The following SNX29 variants were observed in gnomAD, a reference collection of about 807,000 sequenced individuals.
SNX29 encodes the protein sorting nexin 29.
Under a neutral mutation model 102.1 loss-of-function variants are expected in SNX29, and 78 were observed. That is an observed-to-expected ratio of 0.76 (90% CI 0.64 to 0.92). The LOEUF is 0.92. Among genes scored for constraint, SNX29 ranks in the 40% least tolerant of loss-of-function variants. The pLI is 0.00. For synonymous variants in SNX29, 580 were observed against 414.5 expected (o/e 1.40, Z -4.85); for missense variants, 1,280 against 1,061.7 (o/e 1.21, Z -2.86).
Position 12,477,776 on chromosome 16 carries a change from A to G in SNX29, c.2095A>G (p.Arg699Gly), listed in dbSNP as rs762028379. Residue 699 changes from arginine (R) to glycine (G), a missense_variant, in exon 19 of 21, where the codon AGG (arginine) becomes GGG (glycine). Physicochemically the swap from Arg to Gly is moderately radical, Grantham distance 125 (BLOSUM62 -2). Coordinates refer to ENST00000566228, the MANE Select transcript of SNX29 (RefSeq NM_032167.5). ...TATTTATCGCCGGTATACAGAGTTCAGGAGTTTGCACCACAAGTTACAAAA... is the reference window on the plus strand; with the variant it reads ...TATTTATCGCCGGTATACAGAGTTCGGGAGTTTGCACCACAAGTTACAAAA... ...WNIYRRYTEFRSLHHKLQNKY... is the reference protein window; with the variant it reads ...WNIYRRYTEFGSLHHKLQNKY... 6.2e-7 allele frequency: 1 copy of G among 1,613,552 alleles called. No homozygotes were observed. Among genetic ancestry groups the G allele is most frequent in the Non-Finnish European group, 8.5e-7 (1 of 1,179,760 alleles).
At chr16:12,308,625 GAC>G (rs536882214) in intron 15 of SNX29, among the ~76,000 whole-genome samples, 81 of 152,232 alleles carry the variant, frequency 5.3e-4, no homozygotes, top group African/African-American at 1.9e-3. Context: ...CAGGAAACAA[GAC>G]AGAAAAAATC....
chr16:12,388,580 G>A lies in SNX29; in HGVS notation c.1900-9866G>A, dbSNP rs557134027. 1.4e-4 allele frequency among the ~76,000 whole-genome samples: 22 copies of A among 152,294 alleles called. No homozygotes were observed. The South Asian group carries it at 4.3e-3, about 30-fold the overall frequency. On this transcript the variant is annotated intron_variant, in intron 16 of 20. Transcript: ENST00000566228. ...ATGCCCACATAGTACATGACTGTGC[G>A]GGTCACGCTGTCTCTCTCACTGTTA...
At chr16:12,382,010 C>T (rs182797715) in intron 16 of SNX29, among the ~76,000 whole-genome samples, 8 of 151,840 alleles carry the variant, frequency 5.3e-5, no homozygotes, top group Admixed American at 6.6e-5. Context: ...CTAAAGTCAT[C>T]ACGTTCATCA....
chr16:12,561,352 C>T (rs376485373), intron 20 of SNX29, among the ~76,000 whole-genome samples: 54 of 152,232 alleles, frequency 3.5e-4, no homozygotes, highest in African/African-American at 1.3e-3. Context: ...GACTCACAGA[C>T]TTATGAGGGA....
chr16:12,445,882 C>T (rs2086025302), intron 18 of SNX29, among the ~76,000 whole-genome samples: 2 of 152,102 alleles, frequency 1.3e-5, no homozygotes. Context: ...AAATCGAACA[C>T]CTGAGAGGCT....
intron 19 of SNX29, among the ~76,000 whole-genome samples, chr16:12,485,938 G>A (rs1597568397): frequency 6.6e-6 from 1 of 152,182 alleles, no homozygotes; most frequent in East Asian, 1.9e-4. Flanking sequence ...ATCAATGCAA[G>A]GCATCCTTTC....
intron 18 of SNX29, among the ~76,000 whole-genome samples, chr16:12,470,421 G>A (rs977649388): frequency 3.3e-5 from 5 of 152,200 alleles, no homozygotes; most frequent in Non-Finnish European, 5.9e-5. Flanking sequence ...TATCTCCTAC[G>A]AGGTCCTCCT....
intron 20 of SNX29, chr16:12,546,296 A>G (rs1365762840): frequency 6.6e-6 from 1 of 152,250 alleles, no homozygotes. Flanking sequence ...GCTGATAAAG[A>G]CATACCTGAG....
chr16:12,451,541 G>C (rs1324166178), intron 18 of SNX29, among the ~76,000 whole-genome samples: 1 of 152,208 alleles, frequency 6.6e-6, no homozygotes, highest in Non-Finnish European at 1.5e-5. Flanking sequence ...ACAGAAATAG[G>C]AAAGGCTGCC....
At chr16:12,356,410 C>T (rs1321254465) in intron 16 of SNX29, 131 bp downstream of exon 16, 3 of 707,620 alleles carry the variant, frequency 4.2e-6, no homozygotes, top group African/African-American at 1.8e-5. Context: ...ACCTCTGCCA[C>T]ATTTGCTTTT....
intron 20 of SNX29, among the ~76,000 whole-genome samples, chr16:12,526,359 T>C (rs1334306358): frequency 2.6e-5 from 4 of 152,204 alleles, no homozygotes; most frequent in Non-Finnish European, 4.4e-5. Flanking sequence ...AGCAGCTGCC[T>C]GTCTTCCCTG....
rs761385312 is a variant in SNX29 at position 12,525,987 on chromosome 16, A to G, written c.2318+1146A>G. On this transcript the variant is annotated intron_variant, in intron 20 of 20. Transcript: ENST00000566228. ...TTACATCCTTGGAATTAGGGGAACC[A>G]AAACCATCAAGCCCGACTTGGTTTT... is the stretch of plus-strand genomic sequence containing the variant. Among the ~76,000 whole-genome samples the G allele has an allele frequency of 8.4e-4, 128 of 152,340 alleles. 3 individuals carry two copies. In the Middle Eastern group the frequency reaches 0.031, roughly 36 times the overall value.
chr16:12,067,830 T>G (rs1330136563), intron 9 of SNX29, among the ~76,000 whole-genome samples: 1 of 152,204 alleles, frequency 6.6e-6, no homozygotes, highest in Non-Finnish European at 1.5e-5. Context: ...TGGGTGATAC[T>G]GGCCTTAATG....
At chr16:12,152,723 G>A (rs1325639401) in intron 13 of SNX29, among the ~76,000 whole-genome samples, 1 of 152,248 alleles carries the variant, frequency 6.6e-6, no homozygotes, top group Non-Finnish European at 1.5e-5. Context: ...CCCTGGAACA[G>A]ATGCCACTAA....
chr16:12,568,606 G>A lies in SNX29; in HGVS notation c.2419G>A (p.Glu807Lys), dbSNP rs748374315. Residue 807 changes from glutamate (E) to lysine (K), a missense_variant, in exon 21 of 21, where the codon GAG becomes AAG. By Grantham distance (56) the Glu-to-Lys change is moderately conservative. Transcript: ENST00000566228. Reference protein sequence around the residue: ...RGQPRETRNVEPQSGDL With the variant: ...RGQPRETRNVKPQSGDL ...TCAGCCCCGGGAGACCCGCAACGTG[G>A]AGCCCCAGAGCGGTGACCTCTGACC... The A allele has an allele frequency of 1.2e-6, 2 of 1,604,760 alleles. No homozygotes were observed. Among genetic ancestry groups the A allele is most frequent in the Non-Finnish European group, 1.7e-6 (2 of 1,179,824 alleles).
At chr16:12,002,383 G>A (rs1057116400) in intron 2 of SNX29, among the ~76,000 whole-genome samples, 3 of 151,668 alleles carry the variant, frequency 2.0e-5, no homozygotes, top group African/African-American at 4.9e-5. Context: ...GGGAGGCAGA[G>A]GTTGTGGTGA....
At chr16:12,563,812 G>C (rs1040522659) in intron 20 of SNX29, among the ~76,000 whole-genome samples, 3 of 152,174 alleles carry the variant, frequency 2.0e-5, no homozygotes, top group African/African-American at 4.8e-5. Flanking sequence ...CCCATTTGCT[G>C]CTTTTTATTT....
chr16:12,572,908 G>A lies in SNX29; in HGVS notation c.*4279G>A, dbSNP rs778425739. On this transcript the variant is annotated 3_prime_UTR_variant, in exon 21 of 21. Coordinates refer to ENST00000566228, the MANE Select transcript of SNX29 (RefSeq NM_032167.5). The stretch of plus-strand genomic sequence containing the variant: ...GCCTTGGCATTTCGCTCGGAATCAC[G>A]GCAGACTTGGAGTGTTTCTTCAAGG... The A allele has an allele frequency of 3.6e-5, 36 of 1,010,714 alleles. No homozygotes were observed. In the South Asian group the frequency reaches 1.2e-3, roughly 35 times the overall value. The allele number at this position is 1,010,714 out of a possible 1,614,324, so 62.6% of individuals were successfully genotyped here.
intron 20 of SNX29, among the ~76,000 whole-genome samples, chr16:12,545,765 GC>G (rs1197138069): frequency 1.3e-5 from 2 of 152,122 alleles, no homozygotes; most frequent in African/African-American, 4.8e-5. Flanking sequence ...TGGAGAGGCA[GC>G]TTTTAAACAG....
Sources: gnomAD v4.1 joint callset for allele counts (sites outside exome capture counted in the v4.1 genomes callset) on GRCh38, gnomAD v4.1.1 for gene constraint, MANE v1.5 for transcripts, NCBI Gene and HGNC (gene_info 2026-07-23, HGNC 2026-07-21) for gene names.